The following CHST9 variants were observed in gnomAD, a reference collection of about 807,000 sequenced individuals.
CHST9 encodes the protein GalNAc-4-sulfotransferase 2.
CHST9 carries 41 observed loss-of-function variants against 44.4 expected under a neutral mutation model. That is an observed-to-expected ratio of 0.92 (90% CI 0.72 to 1.20). CHST9 has a LOEUF of 1.20. Ranked by LOEUF, CHST9 falls within the 50% of genes most tolerant of loss-of-function variation. CHST9 has a pLI of 0.00. For synonymous variants in CHST9, 171 were observed against 178.4 expected (o/e 0.96, Z 0.33); for missense variants, 504 against 516.5 (o/e 0.98, Z 0.23).
chr18:27,042,577 T>A (rs1373215438), intron 3 of CHST9, among the ~76,000 whole-genome samples: 1 of 152,086 alleles, frequency 6.6e-6, no homozygotes, highest in East Asian at 1.9e-4. Flanking sequence ...CACCAGTTAA[T>A]AAATGGGGCC....
chr18:27,182,459 G>A (rs1202400722), intron 1 of CHST9, among the ~76,000 whole-genome samples: 1 of 152,152 alleles, frequency 6.6e-6, no homozygotes, highest in Non-Finnish European at 1.5e-5. Flanking sequence ...TGCAAAGTGT[G>A]AAAAAGATCA....
intron 2 of CHST9, among the ~76,000 whole-genome samples, chr18:27,137,921 T>C (rs2058530259): frequency 6.6e-6 from 1 of 152,214 alleles, no homozygotes. Context: ...TGATTTATCC[T>C]AACCAGCCCT....
rs917621629 is a variant in CHST9, at chr18:26,907,964, T to C, written c.*8295A>G. 1 of 156,206 alleles carries C rather than the reference T, an allele frequency of 6.4e-6. No homozygotes were observed. The highest frequency in any genetic ancestry group is 2.4e-5 in the African/African-American group (1 of 41,552). The allele number at this position is 156,206 out of a possible 1,614,324, so 9.7% of individuals were successfully genotyped here. A position where few individuals can be genotyped will look rare whatever the true frequency, so the allele number is the denominator to read the frequency against. ...GAGGTATTTTAAGTTATCAAATTCA[T>C]AGAGACAAAAGGTAGAATGATGGTT... On this transcript the variant is annotated 3_prime_UTR_variant, in exon 6 of 6. Transcript: ENST00000618847.
chr18:27,167,266 T>C (rs2058798071), intron 1 of CHST9, among the ~76,000 whole-genome samples: 1 of 152,180 alleles, frequency 6.6e-6, no homozygotes, highest in South Asian at 2.1e-4. Flanking sequence ...AAGATCCTTA[T>C]TTAAAGTGGA....
At position 27,116,242 on chromosome 18, in the gene CHST9, G is replaced by A. The variant is rs2081642; in HGVS notation, c.121+26447C>T. ...TTTATGATTATGTTTTCTCCTAAGA[G>A]TTTTATAGTTTAGGCTCTTACATTT... On this transcript the variant is annotated intron_variant, in intron 2 of 5. Transcript: ENST00000618847. 4.6e-5 allele frequency among the ~76,000 whole-genome samples: 7 copies of A among 152,070 alleles called. No homozygotes were observed. In the East Asian group the frequency reaches 1.2e-3, roughly 25 times the overall value.
chr18:27,115,044 TC>T (rs1272399637), intron 2 of CHST9, among the ~76,000 whole-genome samples: 2 of 152,104 alleles, frequency 1.3e-5, no homozygotes, highest in African/African-American at 4.8e-5. Context: ...TGCCTGGCAT[TC>T]CCCCTGCTTG....
At chr18:27,052,514 T>C (rs1290822861) in intron 2 of CHST9, among the ~76,000 whole-genome samples, 1 of 152,110 alleles carries the variant, frequency 6.6e-6, no homozygotes, top group Non-Finnish European at 1.5e-5. Context: ...GGTGATCTTA[T>C]CTCTCATTCT....
At chr18:27,081,245 C>A (rs923404921) in intron 2 of CHST9, among the ~76,000 whole-genome samples, 15 of 151,972 alleles carry the variant, frequency 9.9e-5, no homozygotes, top group Admixed American at 6.6e-5. Context: ...ACTCAGGAAG[C>A]TAAGGTGGGA....
intron 4 of CHST9, among the ~76,000 whole-genome samples, chr18:26,952,851 G>A (rs926568898): frequency 2.0e-5 from 3 of 152,160 alleles, no homozygotes; most frequent in Non-Finnish European, 2.9e-5. Flanking sequence ...AATAAGTGAA[G>A]ATAAACTGCA....
intron 4 of CHST9, among the ~76,000 whole-genome samples, chr18:26,987,056 A>T (rs2056762044): frequency 6.6e-6 from 1 of 152,176 alleles, no homozygotes; most frequent in Non-Finnish European, 1.5e-5. Context: ...ATTCATATTG[A>T]CATTTGATCC....
At chr18:27,000,649 T>TATCTATCTATCTA (rs1555675568) in intron 4 of CHST9, among the ~76,000 whole-genome samples, 1 of 151,476 alleles carries the variant, frequency 6.6e-6, no homozygotes, top group Non-Finnish European at 1.5e-5. Flanking sequence ...TCTATCTATC[T>TATCTATCTATCTA]ATCTATCTCT....
chr18:26,966,042 T>C (rs2056460377), intron 4 of CHST9, among the ~76,000 whole-genome samples: 1 of 152,234 alleles, frequency 6.6e-6, no homozygotes, highest in Non-Finnish European at 1.5e-5. Context: ...AAGTAAATAG[T>C]TTATTCATAA....
chr18:27,128,632 G>A (rs2058445894), intron 2 of CHST9, among the ~76,000 whole-genome samples: 5 of 152,256 alleles, frequency 3.3e-5, no homozygotes, highest in South Asian at 2.1e-4. Flanking sequence ...CTAGCAAAAC[G>A]GAGAAGATTG....
At chr18:27,137,092 A>AC (rs762170737) in intron 2 of CHST9, among the ~76,000 whole-genome samples, 1 of 152,124 alleles carries the variant, frequency 6.6e-6, no homozygotes, top group Non-Finnish European at 1.5e-5. Context: ...ATAAAATAGG[A>AC]AAGGATACAG....
At chr18:27,160,645 C>T (rs893789938) in intron 1 of CHST9, among the ~76,000 whole-genome samples, 2 of 152,110 alleles carry the variant, frequency 1.3e-5, no homozygotes, top group South Asian at 4.1e-4. Context: ...AGGGAGGATT[C>T]CCTCTTTTTC....
At chr18:27,021,407 C>T (rs890909051) in intron 4 of CHST9, among the ~76,000 whole-genome samples, 1 of 152,122 alleles carries the variant, frequency 6.6e-6, no homozygotes, top group African/African-American at 2.4e-5. Context: ...AATGCTGAGG[C>T]CGGAGAACAG....
At chr18:27,090,553 T>A (rs1397050838) in intron 2 of CHST9, among the ~76,000 whole-genome samples, 1 of 152,214 alleles carries the variant, frequency 6.6e-6, no homozygotes, top group Non-Finnish European at 1.5e-5. Context: ...TTGCCTAGGT[T>A]TTCTTCTAGG....
chr18:26,965,792 G>T (rs1039436569), intron 4 of CHST9, among the ~76,000 whole-genome samples: 2 of 152,148 alleles, frequency 1.3e-5, no homozygotes, highest in Admixed American at 1.3e-4. Context: ...ATCAGATGCT[G>T]AATAAACTCA....
chr18:26,926,037 G>A (rs1225232104), intron 5 of CHST9, among the ~76,000 whole-genome samples: 2 of 152,114 alleles, frequency 1.3e-5, no homozygotes, highest in African/African-American at 4.8e-5. Flanking sequence ...TTAAGTGGAG[G>A]CAAAGGCAAA....
Sources: gnomAD v4.1 joint callset for allele counts (sites outside exome capture counted in the v4.1 genomes callset) on GRCh38, gnomAD v4.1.1 for gene constraint, MANE v1.5 for transcripts, NCBI Gene and HGNC (gene_info 2026-07-23, HGNC 2026-07-21) for gene names.